Variants in SBSPON observed in about 807,000 individuals in gnomAD.
The protein encoded by SBSPON is somatomedin B and thrombospondin type 1 domain containing.
A neutral mutation model predicts 35.8 loss-of-function variants in SBSPON; 30 were observed. The ratio of observed to expected loss-of-function variants is 0.84; its 90% confidence interval spans 0.63 to 1.14. The LOEUF (loss-of-function observed/expected upper bound fraction) is 1.14. SBSPON is among the 50% of genes most tolerant of loss of function. SBSPON has a pLI of 0.00. For synonymous variants in SBSPON, 136 were observed against 135.9 expected (o/e 1.00, Z 0.00); for missense variants, 364 against 357.7 (o/e 1.02, Z -0.14).
intron 1 of SBSPON, among the ~76,000 whole-genome samples, chr8:73,091,198 C>A (rs1810926187): frequency 6.6e-6 from 1 of 152,210 alleles, no homozygotes; most frequent in Admixed American, 6.5e-5. Context: ...TTCCCTCCTA[C>A]AGCCTGCCTC....
intron 1 of SBSPON, chr8:73,086,014 C>G (rs1344588875): frequency 6.6e-6 from 1 of 152,210 alleles, no homozygotes; most frequent in Non-Finnish European, 1.5e-5. Context: ...AGGAAATGTT[C>G]TTACACCGTA....
At chr8:73,084,298 G>C (rs868120109) in intron 1 of SBSPON, among the ~76,000 whole-genome samples, 2 of 152,222 alleles carry the variant, frequency 1.3e-5, no homozygotes, top group Non-Finnish European at 2.9e-5. Context: ...ACACACAAGA[G>C]TGCAGCACAT....
intron 1 of SBSPON, among the ~76,000 whole-genome samples, chr8:73,091,102 G>A (rs145030653): frequency 0.02 from 3,039 of 152,300 alleles, 48 homozygotes; most frequent in Non-Finnish European, 0.031. Flanking sequence ...CATCTGTCCT[G>A]TTCACCATTT....
chr8:73,068,389 TA>T (rs1810432019), intron 4 of SBSPON, among the ~76,000 whole-genome samples: 1 of 152,216 alleles, frequency 6.6e-6, no homozygotes, highest in Admixed American at 6.5e-5. Flanking sequence ...GAAAACATTC[TA>T]CAGGAATAAT....
intron 2 of SBSPON, among the ~76,000 whole-genome samples, chr8:73,077,161 C>T (rs947754737): frequency 1.3e-5 from 2 of 152,214 alleles, no homozygotes; most frequent in African/African-American, 4.8e-5. Flanking sequence ...TCACCTCGAC[C>T]TCCCAAAGTG....
intron 3 of SBSPON, 31 bp from the exon 4 acceptor site, chr8:73,070,012 C>G (rs1810463243): frequency 1.4e-6 from 2 of 1,424,878 alleles, no homozygotes; most frequent in South Asian, 1.3e-5. Context: ...ATGACACTTG[C>G]TGTAATGAGC....
At chr8:73,085,769 A>G (rs1000993547) in intron 1 of SBSPON, 2 of 152,236 alleles carry the variant, frequency 1.3e-5, no homozygotes, top group Non-Finnish European at 2.9e-5. Flanking sequence ...AAATGAGCCG[A>G]CAGCCAGAGC....
In SBSPON at chr8:73,081,034, A is replaced by G. The variant is rs1563489446; in HGVS notation, c.394T>C (p.Cys132Arg). The G allele has an allele frequency of 6.2e-7, 1 of 1,601,608 alleles. No homozygotes were observed. Among genetic ancestry groups the G allele is most frequent in the East Asian group, 2.2e-5 (1 of 44,736 alleles). ...ACATCAGTACCATAGGTGTGCCCGC[A>G]GTCCTGGCCCTGCGGGGTGGAGTAC... ...LEYSTPQGQDCGHTYVPAFIT... is the reference protein window; with the variant it reads ...LEYSTPQGQDRGHTYVPAFIT... Residue 132 changes from cysteine to arginine, a missense_variant, in exon 2 of 5, where the codon TGC (cysteine) becomes CGC (arginine). Cys to Arg is a radical substitution (Grantham distance 180). Coordinates refer to ENST00000297354, the MANE Select transcript of SBSPON (RefSeq NM_153225.4).
chr8:73,079,110 GACAA>G (rs1234986244), intron 2 of SBSPON, among the ~76,000 whole-genome samples: 1 of 152,118 alleles, frequency 6.6e-6, no homozygotes, highest in East Asian at 1.9e-4. Context: ...TTTTTAAATA[GACAA>G]ACAGGCAGAT....
At chr8:73,080,182 G>A (rs1207733890) in intron 2 of SBSPON, among the ~76,000 whole-genome samples, 3 of 152,086 alleles carry the variant, frequency 2.0e-5, no homozygotes, top group Non-Finnish European at 2.9e-5. Flanking sequence ...CCCCAATCCA[G>A]TCTTGAGAGG....
In SBSPON at chr8:73,080,798, A is replaced by T. The variant is rs576544868; in HGVS notation, c.409+221T>A. 2.2e-4 allele frequency among the ~76,000 whole-genome samples: 33 copies of T among 152,276 alleles called. No homozygotes were observed. In the South Asian group the frequency reaches 6.8e-3, roughly 32 times the overall value. On this transcript the variant is annotated intron_variant, in intron 2 of 4. Coordinates refer to ENST00000297354, the MANE Select transcript of SBSPON (RefSeq NM_153225.4). The stretch of plus-strand genomic sequence containing the variant: ...TGAGAATGGGCCATCGGATTATAAA[A>T]CACACCAAGGGAAGTGAGGGAAAGG...
intron 2 of SBSPON, among the ~76,000 whole-genome samples, chr8:73,073,298 C>T (rs950946840): frequency 2.6e-5 from 4 of 152,092 alleles, no homozygotes; most frequent in Non-Finnish European, 5.9e-5. Context: ...AGAAACTGCG[C>T]GATTCCAGGA....
intron 2 of SBSPON, among the ~76,000 whole-genome samples, chr8:73,073,663 G>A (rs1810538093): frequency 6.6e-6 from 1 of 151,976 alleles, no homozygotes; most frequent in African/African-American, 2.4e-5. Context: ...ACAAAAATGA[G>A]CCAGATTTTG....
At chr8:73,091,624 A>G (rs1810937329) in intron 1 of SBSPON, among the ~76,000 whole-genome samples, 1 of 152,218 alleles carries the variant, frequency 6.6e-6, no homozygotes, top group South Asian at 2.1e-4. Context: ...GCATTTCCTA[A>G]ATAGCTGACT....
At chr8:73,082,359 C>T (rs1413546115) in intron 1 of SBSPON, among the ~76,000 whole-genome samples, 2 of 152,166 alleles carry the variant, frequency 1.3e-5, no homozygotes, top group Non-Finnish European at 2.9e-5. Context: ...TCCTATCATC[C>T]TCACACTTTC....
rs138441583 is a variant in SBSPON, at chr8:73,064,968, G to C, written c.*2373C>G. 41 of 152,258 alleles carry C rather than the reference G, an allele frequency of 2.7e-4. No individual in the cohort carries two copies. Among genetic ancestry groups the C allele is most frequent in the African/African-American group, 9.4e-4 (39 of 41,560 alleles). 9.4% of individuals were successfully genotyped at this position (152,258 alleles called of 1,614,324 possible). On this transcript the variant is annotated 3_prime_UTR_variant, in exon 5 of 5. Coordinates refer to ENST00000297354, the MANE Select transcript of SBSPON (RefSeq NM_153225.4). ...AGACTAAGGTACTTATTAAAAAAGAGTGCCAAGAGGTCTTATATACTTTGA... is the reference window on the plus strand; with the variant it reads ...AGACTAAGGTACTTATTAAAAAAGACTGCCAAGAGGTCTTATATACTTTGA...
intron 3 of SBSPON, among the ~76,000 whole-genome samples, chr8:73,070,466 G>A (rs972368678): frequency 6.6e-5 from 10 of 152,256 alleles, no homozygotes; most frequent in African/African-American, 2.2e-4. Flanking sequence ...GAAAGTACCC[G>A]GGATCTTCCC....
At chr8:73,089,789 C>CT (rs1238646681) in intron 1 of SBSPON, among the ~76,000 whole-genome samples, 3 of 152,200 alleles carry the variant, frequency 2.0e-5, no homozygotes, top group Non-Finnish European at 4.4e-5. Context: ...AAATGTCTAC[C>CT]ACATGCCAGG....
intron 1 of SBSPON, among the ~76,000 whole-genome samples, chr8:73,087,805 C>T (rs1586101031): frequency 6.6e-6 from 1 of 152,330 alleles, no homozygotes; most frequent in Admixed American, 6.5e-5. Flanking sequence ...TCTCCTTAAG[C>T]TGCCAATCAA....
Sources: allele counts gnomAD v4.1 joint callset (sites outside exome capture counted in the v4.1 genomes callset), GRCh38; gene constraint gnomAD v4.1.1; transcripts MANE v1.5; gene names NCBI Gene and HGNC (gene_info 2026-07-23, HGNC 2026-07-21).